Variants in MRTFB observed in about 807,000 individuals in gnomAD.
The protein encoded by MRTFB is myocardin related transcription factor B.
Under a neutral mutation model 104.2 loss-of-function variants are expected in MRTFB, and 29 were observed. The observed-to-expected ratio is 0.28, with a 90% CI of 0.21 to 0.38. The LOEUF (loss-of-function observed/expected upper bound fraction) is 0.38. Ranked by LOEUF, MRTFB falls within the 10% of genes least tolerant of loss-of-function variation. The probability of loss-of-function intolerance (pLI) is 1.00; values close to 1 mark genes in which losing one functional copy is unlikely to be tolerated. For synonymous variants in MRTFB, 535 were observed against 519.5 expected (o/e 1.03, Z -0.41); for missense variants, 1,270 against 1,341.6 (o/e 0.95, Z 0.83).
chr16:14,090,638 T>G (rs1189347843), intron 2 of MRTFB, among the ~76,000 whole-genome samples: 1 of 152,164 alleles, frequency 6.6e-6, no homozygotes, highest in African/African-American at 2.4e-5. Flanking sequence ...GAGTTGGTGC[T>G]GGTGCTCAGT....
At chr16:14,083,868 C>A (rs921695177) in intron 2 of MRTFB, among the ~76,000 whole-genome samples, 2 of 152,212 alleles carry the variant, frequency 1.3e-5, no homozygotes, top group South Asian at 4.1e-4. Context: ...TGTATGTAAC[C>A]TGTTAATCTT....
chr16:14,251,584 G>A (rs955384279), intron 13 of MRTFB, among the ~76,000 whole-genome samples: 1 of 152,200 alleles, frequency 6.6e-6, no homozygotes, highest in Admixed American at 6.5e-5. Flanking sequence ...ACCCTGGCCT[G>A]TGGGCCAAAT....
At chr16:14,051,579 C>A in the MRTFB span, among the ~76,000 whole-genome samples, 2 of 152,056 alleles carry the variant, frequency 1.3e-5, no homozygotes, top group African/African-American at 4.8e-5. Context: ...AATACACACA[C>A]ACACACGCAT....
At chr16:14,217,575 A>C (rs776486800) in intron 7 of MRTFB, among the ~76,000 whole-genome samples, 1 of 152,278 alleles carries the variant, frequency 6.6e-6, no homozygotes, top group East Asian at 1.9e-4. Context: ...ATCATGGTTG[A>C]TTGTACTGCT....
At chr16:14,016,809 C>CTATTCCG in the MRTFB span, among the ~76,000 whole-genome samples, 1 of 145,318 alleles carries the variant, frequency 6.9e-6, no homozygotes, top group Non-Finnish European at 1.5e-5. Flanking sequence ...AGACCCTGAC[C>CTATTCCG]TATTCCCAGG....
chr16:14,083,839 A>T (rs2034549122), intron 2 of MRTFB, among the ~76,000 whole-genome samples: 1 of 152,144 alleles, frequency 6.6e-6, no homozygotes, highest in African/African-American at 2.4e-5. Context: ...TTGTTCCGCC[A>T]TCTTGTACCA....
At chr16:14,194,224 A>G (rs1330955704) in intron 3 of MRTFB, among the ~76,000 whole-genome samples, 1 of 152,196 alleles carries the variant, frequency 6.6e-6, no homozygotes, top group Non-Finnish European at 1.5e-5. Context: ...CCGGTGGACT[A>G]CCTGGCTTAA....
chr16:14,057,645 G>A, the MRTFB span, among the ~76,000 whole-genome samples: 13 of 151,950 alleles, frequency 8.6e-5, no homozygotes, highest in Non-Finnish European at 1.3e-4. Context: ...TAATACTTTG[G>A]GTGTGGAGGA....
At chr16:14,220,148 C>T (rs1282095021) in intron 8 of MRTFB, among the ~76,000 whole-genome samples, 1 of 152,106 alleles carries the variant, frequency 6.6e-6, no homozygotes, top group Admixed American at 6.6e-5. Flanking sequence ...AGTGACCAAC[C>T]CACAGTCTGA....
intron 2 of MRTFB, among the ~76,000 whole-genome samples, chr16:14,125,004 C>T (rs529824875): frequency 1.3e-5 from 2 of 152,220 alleles, no homozygotes; most frequent in African/African-American, 2.4e-5. Flanking sequence ...CTGAAATCTG[C>T]GTTTTCTTTT....
chr16:14,104,440 C>G (rs1188330832), intron 2 of MRTFB, among the ~76,000 whole-genome samples: 4 of 152,188 alleles, frequency 2.6e-5, no homozygotes, highest in African/African-American at 9.7e-5. Flanking sequence ...ATCCAGTAGA[C>G]TGATGCCTGT....
intron 3 of MRTFB, among the ~76,000 whole-genome samples, chr16:14,182,411 GC>G (rs1462437206): frequency 1.3e-5 from 2 of 152,106 alleles, no homozygotes; most frequent in African/African-American, 4.8e-5. Flanking sequence ...AAAAATGAGA[GC>G]GAACCTGTGG....
chr16:14,083,429 T>C (rs139363425), intron 2 of MRTFB, among the ~76,000 whole-genome samples: 2 of 152,252 alleles, frequency 1.3e-5, no homozygotes, highest in Non-Finnish European at 2.9e-5. Flanking sequence ...GTCTGCCTCA[T>C]AGGGGATACA....
intron 15 of MRTFB, among the ~76,000 whole-genome samples, chr16:14,253,375 T>C (rs2043335385): frequency 6.6e-6 from 1 of 152,172 alleles, no homozygotes; most frequent in South Asian, 2.1e-4. Context: ...CGGTACTGTT[T>C]ATTATCCACG....
intron 2 of MRTFB, among the ~76,000 whole-genome samples, chr16:14,084,258 C>G (rs2141898679): frequency 6.6e-6 from 1 of 152,338 alleles, no homozygotes; most frequent in Non-Finnish European, 1.5e-5. Flanking sequence ...AGCTTTAAGA[C>G]TAGGCACGGT....
chr16:14,246,213 A>G (rs2903581), intron 11 of MRTFB, among the ~76,000 whole-genome samples: 6,670 of 152,264 alleles, frequency 0.044, 210 homozygotes, highest in Middle Eastern at 0.079. Flanking sequence ...CATCATCATA[A>G]TTCCTGGTAG....
chr16:14,131,998 C>T (rs531191124), intron 2 of MRTFB, among the ~76,000 whole-genome samples: 1 of 152,086 alleles, frequency 6.6e-6, no homozygotes, highest in South Asian at 2.1e-4. Flanking sequence ...TAGCAACATT[C>T]GTAGTAGCCA....
At chr16:14,071,999 G>C (rs1596679118) in intron 1 of MRTFB, among the ~76,000 whole-genome samples, 1 of 152,188 alleles carries the variant, frequency 6.6e-6, no homozygotes, top group African/African-American at 2.4e-5. Context: ...ACCATTGTTT[G>C]GCCCTGCTTG....
the MRTFB span, among the ~76,000 whole-genome samples, chr16:14,048,928 G>A: frequency 6.6e-6 from 1 of 152,180 alleles, no homozygotes; most frequent in Non-Finnish European, 1.5e-5. Context: ...CTGGACAGAG[G>A]CTCTACTCCA....
Sources: gnomAD v4.1 joint callset for allele counts (sites outside exome capture counted in the v4.1 genomes callset) on GRCh38, gnomAD v4.1.1 for gene constraint, MANE v1.5 for transcripts, NCBI Gene and HGNC (gene_info 2026-07-23, HGNC 2026-07-21) for gene names.